Variants in KDM7A observed in about 807,000 individuals in gnomAD.
The protein encoded by KDM7A is lysine demethylase 7A.
A neutral mutation model predicts 114.8 loss-of-function variants in KDM7A; 28 were observed. The observed-to-expected ratio is 0.24, with a 90% CI of 0.18 to 0.33. The LOEUF is 0.33. KDM7A is among the 10% of genes least tolerant of loss of function. KDM7A has a pLI of 1.00. For synonymous variants in KDM7A, 423 were observed against 397.8 expected (o/e 1.06, Z -0.75); for missense variants, 942 against 1,142.5 (o/e 0.82, Z 2.53).
chr7:140,120,148 C>CT (rs1818596001), intron 8 of KDM7A, among the ~76,000 whole-genome samples: 2 of 152,194 alleles, frequency 1.3e-5, no homozygotes, highest in African/African-American at 2.4e-5. Flanking sequence ...ATCTCCCTCA[C>CT]TGCAAAAATA....
intron 1 of KDM7A, among the ~76,000 whole-genome samples, chr7:140,171,471 A>AATATAT (rs1452168683): frequency 4.8e-5 from 7 of 145,412 alleles, no homozygotes; most frequent in Admixed American, 4.2e-4. Context: ...CGGTCTCAAA[A>AATATAT]ATATATATTT....
At chr7:140,163,114 C>G (rs1477533437) in intron 1 of KDM7A, among the ~76,000 whole-genome samples, 4 of 151,584 alleles carry the variant, frequency 2.6e-5, no homozygotes, top group Non-Finnish European at 5.9e-5. Flanking sequence ...CCTGCCCCAG[C>G]CTCCCAAGTA....
chr7:140,120,465 G>A lies in KDM7A; in HGVS notation c.1116C>T (p.Asn372=), dbSNP rs777946809. The A allele has an allele frequency of 7.4e-6, 12 of 1,611,236 alleles. No homozygotes were observed. The highest frequency in any genetic ancestry group is 1.3e-5 in the African/African-American group (1 of 74,816). The change falls in exon 8 of 20, where the codon AAC becomes AAT. Residue 372 remains asparagine, a synonymous_variant. Transcript: ENST00000397560. The part of the protein sequence containing the change: ...CMAFGGNFLH[N]LNIGMQLRCY... ...ACCTGAGCTGCATGCCAATGTTAAG[G>A]TTGTGCAGGAAGTTCCCCCCAAAAG...
intron 2 of KDM7A, among the ~76,000 whole-genome samples, chr7:140,135,852 A>G (rs1212411502): frequency 6.6e-6 from 1 of 152,110 alleles, no homozygotes; most frequent in African/African-American, 2.4e-5. Flanking sequence ...CTAGTATTAT[A>G]TAAGAAGCGT....
chr7:140,165,197 A>C (rs1288124906), intron 1 of KDM7A, among the ~76,000 whole-genome samples: 5 of 152,202 alleles, frequency 3.3e-5, no homozygotes, highest in Admixed American at 3.3e-4. Context: ...AGAGACTCCT[A>C]TTATATACAT....
chr7:140,155,845 T>C (rs1448325649), intron 1 of KDM7A, among the ~76,000 whole-genome samples: 1 of 152,212 alleles, frequency 6.6e-6, no homozygotes. Context: ...ATGCTCTTCT[T>C]GAAAGAATAC....
rs1454996235 is a variant in KDM7A, at chr7:140,090,113, A to T, written c.*981T>A. ...TGTAGTTACAAATGTACTTGGAAAA[A>T]CTATAAACATGACAATTTAACCAAA... is the stretch of plus-strand genomic sequence containing the variant. On this transcript the variant is annotated 3_prime_UTR_variant, in exon 20 of 20. Transcript: ENST00000397560. 6.6e-6 allele frequency: 1 copy of T among 152,190 alleles called. No homozygotes were observed. Among genetic ancestry groups the T allele is most frequent in the African/African-American group, 2.4e-5 (1 of 41,446 alleles). The allele number at this position is 152,190 out of a possible 1,614,324, so 9.4% of individuals were successfully genotyped here.
At chr7:140,160,340 T>C (rs763262551) in intron 1 of KDM7A, among the ~76,000 whole-genome samples, 3 of 152,180 alleles carry the variant, frequency 2.0e-5, no homozygotes, top group Admixed American at 6.5e-5. Flanking sequence ...AAGTCACTCA[T>C]ATCCTAACGT....
At chr7:140,175,890 T>TA (rs1360760296) in intron 1 of KDM7A, among the ~76,000 whole-genome samples, 3 of 152,018 alleles carry the variant, frequency 2.0e-5, no homozygotes, top group Non-Finnish European at 4.4e-5. Context: ...GCACTCTTTG[T>TA]AAAGTTTAAG....
Position 140,129,608 on chromosome 7 carries a change from T to G in KDM7A, c.444A>C (p.Gln148His). The G allele has an allele frequency of 6.2e-7, 1 of 1,611,076 alleles. No homozygotes were observed. The highest frequency in any genetic ancestry group is 8.5e-7 in the Non-Finnish European group (1 of 1,177,336). Residue 148 changes from glutamine (Q) to histidine (H), a missense_variant, in exon 4 of 20, where the codon CAA (glutamine) becomes CAC (histidine). By Grantham distance (24) the Gln-to-His change is conservative. Transcript: ENST00000397560. The stretch of plus-strand genomic sequence containing the variant: ...CAAATCCATGTTTCTCCAGATATCT[T>G]TGTGTCAGCTGGCTGCCATGCATCT... ...IIKMHGSQLTQRYLEKHGFDV... is the reference protein window; with the variant it reads ...IIKMHGSQLTHRYLEKHGFDV...
Position 140,087,060 on chromosome 7 carries a change from G to A in KDM7A, c.*4034C>T, listed in dbSNP as rs1229037276. On this transcript the variant is annotated 3_prime_UTR_variant, in exon 20 of 20. Transcript: ENST00000397560. ...GAATCTTGTCTGTTGAAGATGTCTGGTGGCGTCTCCTTTCCTACACTGGTT... is the reference window on the plus strand; with the variant it reads ...GAATCTTGTCTGTTGAAGATGTCTGATGGCGTCTCCTTTCCTACACTGGTT... 6.6e-6 allele frequency: 1 copy of A among 152,210 alleles called. No individual in the cohort carries two copies. Among genetic ancestry groups the A allele is most frequent in the African/African-American group, 2.4e-5 (1 of 41,450 alleles). 9.4% of individuals were successfully genotyped at this position (152,210 alleles called of 1,614,324 possible). A position where few individuals can be genotyped will look rare whatever the true frequency, so the allele number is the denominator to read the frequency against.
At chr7:140,175,658 TTTG>T (rs1230244859) in intron 1 of KDM7A, among the ~76,000 whole-genome samples, 1 of 152,182 alleles carries the variant, frequency 6.6e-6, no homozygotes. Flanking sequence ...AGCCTCACAC[TTTG>T]ATTACAAAAC....
chr7:140,133,912 G>A (rs998666610), intron 2 of KDM7A, among the ~76,000 whole-genome samples: 1 of 152,144 alleles, frequency 6.6e-6, no homozygotes, highest in African/African-American at 2.4e-5. Flanking sequence ...CAAATCAGCA[G>A]ATGGAGCCTT....
At chr7:140,157,918 G>A (rs7798265) in intron 1 of KDM7A, among the ~76,000 whole-genome samples, 26 of 150,956 alleles carry the variant, frequency 1.7e-4, no homozygotes, top group African/African-American at 5.4e-4. Context: ...GCAGTGAGCC[G>A]AGATCACACC....
Position 140,087,928 on chromosome 7 carries a change from T to C in KDM7A, c.*3166A>G, listed in dbSNP as rs1817957494. 2 of 152,210 alleles carry C rather than the reference T, an allele frequency of 1.3e-5. No homozygotes were observed. The highest frequency in any genetic ancestry group is 2.9e-5 in the Non-Finnish European group (2 of 68,042). The allele number at this position is 152,210 out of a possible 1,614,324, so 9.4% of individuals were successfully genotyped here. Reference sequence around the variant, plus strand: ...AATACTGCTAATTTCCTGGAGAAGATACCTTCAAGGGCAGAGACCACAACT... The same window carrying C: ...AATACTGCTAATTTCCTGGAGAAGACACCTTCAAGGGCAGAGACCACAACT... On this transcript the variant is annotated 3_prime_UTR_variant, in exon 20 of 20. Coordinates refer to ENST00000397560, the MANE Select transcript of KDM7A (RefSeq NM_030647.2).
intron 1 of KDM7A, among the ~76,000 whole-genome samples, chr7:140,173,930 G>A (rs1477254983): frequency 6.6e-6 from 1 of 152,082 alleles, no homozygotes; most frequent in South Asian, 2.1e-4. Flanking sequence ...TTGGGAGGCC[G>A]AGGTGGGCGG....
chr7:140,158,324 C>T (rs1291443268), intron 1 of KDM7A, among the ~76,000 whole-genome samples: 3 of 152,176 alleles, frequency 2.0e-5, no homozygotes, highest in African/African-American at 7.2e-5. Flanking sequence ...GCCCATCTTA[C>T]ACAAGGATAG....
chr7:140,096,598 A>G lies in KDM7A; in HGVS notation c.2331T>C (p.His777=). The change falls in exon 17 of 20, where the codon CAT becomes CAC. Residue 777 remains histidine (H), a synonymous_variant. Coordinates refer to ENST00000397560, the MANE Select transcript of KDM7A (RefSeq NM_030647.2). ...CATAGCGATACAACTGCCTAACCTC[A>G]TGGTTACTGCCATGGCAGCTGCTGG... ...QDPSSCHGSN[H]EVRQLYRYDK... is the part of the protein sequence containing the mutation. The G allele has an allele frequency of 6.2e-7, 1 of 1,614,142 alleles. No individual in the cohort carries two copies. The highest frequency in any genetic ancestry group is 2.2e-5 in the East Asian group (1 of 44,882).
intron 5 of KDM7A, 56 bp downstream of exon 5, chr7:140,127,386 A>T: frequency 7.0e-7 from 1 of 1,426,536 alleles, no homozygotes; most frequent in East Asian, 2.3e-5. Context: ...ATACATCATT[A>T]CACTACATTT....
Sources: allele counts gnomAD v4.1 joint callset (sites outside exome capture counted in the v4.1 genomes callset), GRCh38; gene constraint gnomAD v4.1.1; transcripts MANE v1.5; gene names NCBI Gene and HGNC (gene_info 2026-07-23, HGNC 2026-07-21).